Variants in ANKRD17 observed in about 807,000 individuals in gnomAD.
The protein encoded by ANKRD17 is ankyrin repeat domain 17.
Under a neutral mutation model 229.7 loss-of-function variants are expected in ANKRD17, and 19 were observed. The observed-to-expected ratio is 0.08, with a 90% CI of 0.06 to 0.12. The LOEUF (loss-of-function observed/expected upper bound fraction) is 0.12, where lower values mean the gene tolerates loss of function less well. Ranked by LOEUF, ANKRD17 falls within the 10% of genes least tolerant of loss-of-function variation. The probability of loss-of-function intolerance (pLI) is 1.00; values close to 1 mark genes in which losing one functional copy is unlikely to be tolerated. For synonymous variants in ANKRD17, 1,112 were observed against 1,146.1 expected (o/e 0.97, Z 0.60); for missense variants, 2,176 against 3,176.8 (o/e 0.68, Z 7.57).
chr4:73,189,893 G>A (rs377731139), intron 1 of ANKRD17, among the ~76,000 whole-genome samples: 34 of 152,090 alleles, frequency 2.2e-4, no homozygotes, highest in African/African-American at 7.5e-4. Context: ...TAACCAAACA[G>A]GTATCTGCTG....
intron 30 of ANKRD17, among the ~76,000 whole-genome samples, chr4:73,082,287 T>C (rs1057273601): frequency 1.3e-5 from 2 of 151,832 alleles, no homozygotes; most frequent in Admixed American, 6.6e-5. Context: ...CTGGGCAACA[T>C]GGTAAGACCT....
chr4:73,177,861 T>C (rs933562844), intron 1 of ANKRD17, among the ~76,000 whole-genome samples: 9 of 152,182 alleles, frequency 5.9e-5, no homozygotes, highest in Non-Finnish European at 1.0e-4. Flanking sequence ...TAACTGTGAA[T>C]AGAAGACCTA....
chr4:73,258,145 G>A, intron 1 of ANKRD17, 131 bp downstream of exon 1: 1 of 1,483,990 alleles, frequency 6.7e-7, no homozygotes, highest in Admixed American at 2.1e-5. Context: ...GGGAAGAAAG[G>A]GGGCAGTCGA....
In ANKRD17 at chr4:73,258,281, A is replaced by C; in HGVS notation, c.388T>G (p.Ser130Ala). 1 of 1,613,716 alleles carries C rather than the reference A, an allele frequency of 6.2e-7. No homozygotes were observed. The change falls in exon 1 of 34, where the codon TCT (serine) becomes GCT (alanine). Residue 130 changes from serine to alanine, a missense_variant. Ser to Ala is a moderately conservative substitution (Grantham distance 99, BLOSUM62 1). Transcript: ENST00000358602. Reference protein sequence around the residue: ...EDDDDEEEEVSEVESFILDQD... With the variant: ...EDDDDEEEEVAEVESFILDQD... ...CTTTGAAACCAGGCCCTTGCCTCAG[A>C]AACCTCCTCTTCCTCGTCGTCGTCG...
chr4:73,115,743 C>T, intron 23 of ANKRD17, 78 bp downstream of exon 23: 1 of 1,166,408 alleles, frequency 8.6e-7, no homozygotes, highest in Non-Finnish European at 1.3e-6. Context: ...CACTTTACTA[C>T]TCAAACTAGG....
In ANKRD17 at chr4:73,141,738, G is replaced by T; in HGVS notation, c.2332+3C>A. On this transcript the variant is annotated splice_donor_region_variant and intron_variant, in intron 14 of 33. Transcript: ENST00000358602. The stretch of plus-strand genomic sequence containing the variant: ...AGAAACAGTCTTTAGAAGTATAACT[G>T]ACCTTTATTCCTGATGGGAAGAGTG... 1.2e-6 allele frequency: 2 copies of T among 1,611,730 alleles called. No homozygotes were observed. The highest frequency in any genetic ancestry group is 1.1e-5 in the South Asian group (1 of 91,022).
chr4:73,115,715 GAA>G (rs1725860574), intron 23 of ANKRD17, 104 bp downstream of exon 23: 1 of 786,630 alleles, frequency 1.3e-6, no homozygotes, highest in Non-Finnish European at 2.0e-6. Flanking sequence ...CTAGATAAAT[GAA>G]AATGGCTACA....
chr4:73,155,984 AAAC>A (rs749382947), intron 4 of ANKRD17, 32 bp downstream of exon 4: 2 of 1,540,344 alleles, frequency 1.3e-6, no homozygotes, highest in Admixed American at 2.2e-5. Context: ...GTTTTTAAAA[AAAC>A]AACAAATAAG....
intron 7 of ANKRD17, among the ~76,000 whole-genome samples, chr4:73,150,608 G>C (rs1191359133): frequency 6.6e-6 from 1 of 152,100 alleles, no homozygotes. Flanking sequence ...GATAACTCAA[G>C]TCTTAAATGG....
At chr4:73,205,092 T>C (rs1021871234) in intron 1 of ANKRD17, among the ~76,000 whole-genome samples, 7 of 152,210 alleles carry the variant, frequency 4.6e-5, no homozygotes, top group Admixed American at 2.0e-4. Flanking sequence ...GGTGGGAGGA[T>C]AGCTTGAAGC....
At position 73,091,469 on chromosome 4, in the gene ANKRD17, T is replaced by G; in HGVS notation, c.6159A>C (p.Gly2053=). The G allele has an allele frequency of 6.2e-7, 1 of 1,614,148 alleles. No homozygotes were observed. The highest frequency in any genetic ancestry group is 8.5e-7 in the Non-Finnish European group (1 of 1,180,010). The change falls in exon 29 of 34, where the codon GGA becomes GGC. Residue 2053 remains glycine, a synonymous_variant. Transcript: ENST00000358602. ...CCAAAGGGCTGTTTCTAGAAACCCC[T>G]CCTGGCTGGGCTGGTGGTGATGGGG... ...PSSPSPPAQP[G]GVSRNSPLDC... is the part of the protein sequence containing the mutation.
intron 9 of ANKRD17, 68 bp downstream of exon 9, chr4:73,147,173 T>C (rs779400017): frequency 4.4e-6 from 6 of 1,378,504 alleles, no homozygotes; most frequent in Non-Finnish European, 5.9e-6. Context: ...CATAAAAATA[T>C]TTGCATTATG....
At chr4:73,241,481 C>CTAG (rs1464368630) in intron 1 of ANKRD17, among the ~76,000 whole-genome samples, 1 of 151,972 alleles carries the variant, frequency 6.6e-6, no homozygotes, top group Admixed American at 6.6e-5. Context: ...AGTATATTAA[C>CTAG]TAACTAGTAA....
intron 2 of ANKRD17, among the ~76,000 whole-genome samples, chr4:73,171,217 GA>G (rs1733987838): frequency 6.6e-6 from 1 of 150,822 alleles, no homozygotes; most frequent in Non-Finnish European, 1.5e-5. Flanking sequence ...GAGAGAGAGA[GA>G]GAGACTGAGA....
intron 1 of ANKRD17, among the ~76,000 whole-genome samples, chr4:73,212,882 C>T (rs1451268046): frequency 2.7e-5 from 4 of 150,908 alleles, no homozygotes; most frequent in Admixed American, 6.6e-5. Context: ...AAAAAATTAG[C>T]GCAGAGTGGT....
rs559343177 is a variant in ANKRD17 at position 73,139,557 on chromosome 4, T to C, written c.3059A>G (p.Asn1020Ser). ...LMVASPAQTL[N>S]DTLDDIMAAV... ...TGCCATGATGTCATCCAGCGTGTCA[T>C]TGAGGGTCTGAGCAGGGCTGGCTAC... is the stretch of plus-strand genomic sequence containing the variant. Residue 1020 changes from asparagine (N) to serine (S), a missense_variant, in exon 15 of 34, where the codon AAT becomes AGT. By Grantham distance (46) the Asn-to-Ser change is conservative. Transcript: ENST00000358602. The C allele has an allele frequency of 1.5e-5, 25 of 1,613,846 alleles. No homozygotes were observed. Among genetic ancestry groups the C allele is most frequent in the Middle Eastern group, 1.6e-4 (1 of 6,062 alleles).
At position 73,161,335 on chromosome 4, in the gene ANKRD17, C is replaced by A; in HGVS notation, c.561G>T (p.Leu187Phe). 6.2e-7 allele frequency: 1 copy of A among 1,614,028 alleles called. No homozygotes were observed. The highest frequency in any genetic ancestry group is 1.3e-5 in the African/African-American group (1 of 75,036). Reference sequence around the variant, plus strand: ...CAAAGGCTTTACCATCAGCCGTGGACAATTTTCCTATTCCTATTATATTAT... The same window carrying A: ...CAAAGGCTTTACCATCAGCCGTGGAAAATTTTCCTATTCCTATTATATTAT... Reference protein sequence around the residue: ...ALLEAAGIGKLSTADGKAFAD... With the variant: ...ALLEAAGIGKFSTADGKAFAD... Residue 187 changes from leucine (L) to phenylalanine (F), a missense_variant, in exon 3 of 34, where the codon TTG becomes TTT. This residue lies in a region of ANKRD17 where 184 missense variants were observed against 357.8 expected (regional missense o/e 0.51). Transcript: ENST00000358602.
At chr4:73,224,559 G>T (rs1045122643) in intron 1 of ANKRD17, among the ~76,000 whole-genome samples, 32 of 151,930 alleles carry the variant, frequency 2.1e-4, no homozygotes, top group Admixed American at 6.6e-5. Context: ...AGCAATATAT[G>T]ATTTCTTTTT....
At chr4:73,223,108 A>G (rs895427959) in intron 1 of ANKRD17, 5 of 1,459,552 alleles carry the variant, frequency 3.4e-6, no homozygotes, top group Non-Finnish European at 4.6e-6. Context: ...TCAGCAAGGG[A>G]ACAGGAAATG....
Sources: allele counts gnomAD v4.1 joint callset (sites outside exome capture counted in the v4.1 genomes callset), GRCh38; gene constraint gnomAD v4.1.1; regional missense constraint gnomAD v4.1.1; transcripts MANE v1.5; gene names NCBI Gene and HGNC (gene_info 2026-07-23, HGNC 2026-07-21).